The following GRIA4 variants were observed in gnomAD, a reference collection of about 807,000 sequenced individuals.
GRIA4 encodes glutamate receptor 4.
In GRIA4, 34 loss-of-function variants were observed where a neutral mutation model predicts 104.0. That is an observed-to-expected ratio of 0.33 (90% CI 0.25 to 0.44). GRIA4 has a LOEUF of 0.44. Among genes scored for constraint, GRIA4 ranks in the 20% least tolerant of loss-of-function variants. GRIA4 has a pLI of 1.00. For synonymous variants in GRIA4, 386 were observed against 381.9 expected (o/e 1.01, Z -0.13); for missense variants, 750 against 1,096.5 (o/e 0.68, Z 4.46).
At chr11:105,830,532 T>C (rs1471443396) in intron 4 of GRIA4, among the ~76,000 whole-genome samples, 2 of 152,032 alleles carry the variant, frequency 1.3e-5, no homozygotes, top group Admixed American at 6.6e-5. Context: ...GAGTTGATGA[T>C]GGCACTAGCC....
chr11:105,797,409 T>C (rs1252151789), intron 4 of GRIA4, among the ~76,000 whole-genome samples: 2 of 152,102 alleles, frequency 1.3e-5, no homozygotes, highest in African/African-American at 4.8e-5. Context: ...AGTATTTTGG[T>C]TCCACAAATA....
At chr11:105,636,542 T>C (rs971164494) in intron 3 of GRIA4, among the ~76,000 whole-genome samples, 1 of 152,154 alleles carries the variant, frequency 6.6e-6, no homozygotes, top group Non-Finnish European at 1.5e-5. Context: ...ATCTCTACAA[T>C]TCCAGGCCTA....
intron 4 of GRIA4, among the ~76,000 whole-genome samples, chr11:105,822,600 T>C (rs1303039460): frequency 6.6e-6 from 1 of 152,184 alleles, no homozygotes; most frequent in Non-Finnish European, 1.5e-5. Context: ...CATGTGCTTC[T>C]TCAATTATAT....
intron 4 of GRIA4, among the ~76,000 whole-genome samples, chr11:105,838,734 A>T (rs1051320874): frequency 6.6e-6 from 1 of 152,190 alleles, no homozygotes; most frequent in African/African-American, 2.4e-5. Flanking sequence ...GGCTACACAG[A>T]TGCAGAAGAG....
intron 3 of GRIA4, among the ~76,000 whole-genome samples, chr11:105,689,887 A>C (rs1953023610): frequency 6.6e-6 from 1 of 152,194 alleles, no homozygotes; most frequent in Non-Finnish European, 1.5e-5. Context: ...TGTAACTAGC[A>C]GATACTGGGA....
chr11:105,715,905 T>C (rs1365044514), intron 3 of GRIA4, among the ~76,000 whole-genome samples: 2 of 152,104 alleles, frequency 1.3e-5, no homozygotes, highest in African/African-American at 4.8e-5. Flanking sequence ...GGCCTGAAAA[T>C]GGCCCACGTT....
chr11:105,628,741 T>G (rs1950954470), intron 3 of GRIA4, among the ~76,000 whole-genome samples: 1 of 152,300 alleles, frequency 6.6e-6, no homozygotes, highest in Admixed American at 6.5e-5. Context: ...ATTTTATTCT[T>G]TATTTCACAA....
intron 3 of GRIA4, among the ~76,000 whole-genome samples, chr11:105,637,839 A>T (rs1330201511): frequency 6.6e-6 from 1 of 152,192 alleles, no homozygotes; most frequent in Non-Finnish European, 1.5e-5. Context: ...AGATTCTTAA[A>T]AGCTAAGCCC....
intron 4 of GRIA4, among the ~76,000 whole-genome samples, chr11:105,791,571 A>G (rs61900353): frequency 6.6e-6 from 1 of 152,158 alleles, no homozygotes; most frequent in African/African-American, 2.4e-5. Flanking sequence ...TAAATGTGCC[A>G]TGGAGTGCCA....
intron 16 of GRIA4, among the ~76,000 whole-genome samples, chr11:105,977,880 G>A (rs1859066478): frequency 6.6e-6 from 1 of 151,990 alleles, no homozygotes; most frequent in Non-Finnish European, 1.5e-5. Context: ...AGTTCCCTTG[G>A]TGAAATTATT....
chr11:105,788,770 T>C (rs1421864319), intron 4 of GRIA4, among the ~76,000 whole-genome samples: 3 of 152,064 alleles, frequency 2.0e-5, no homozygotes, highest in Non-Finnish European at 4.4e-5. Flanking sequence ...TAGTGAGGGT[T>C]GAAAAGAAAA....
chr11:105,676,107 T>A (rs1321209426), intron 3 of GRIA4, among the ~76,000 whole-genome samples: 2 of 151,820 alleles, frequency 1.3e-5, no homozygotes, highest in African/African-American at 2.4e-5. Flanking sequence ...ATAGAGAATG[T>A]TATTTTTTAA....
chr11:105,635,133 T>C (rs1048697502), intron 3 of GRIA4, among the ~76,000 whole-genome samples: 5 of 152,170 alleles, frequency 3.3e-5, no homozygotes, highest in Admixed American at 2.0e-4. Context: ...CAATAAAATA[T>C]AGTAGTCTTA....
chr11:105,799,453 G>A (rs1271205002), intron 4 of GRIA4, among the ~76,000 whole-genome samples: 2 of 152,036 alleles, frequency 1.3e-5, no homozygotes, highest in Admixed American at 6.6e-5. Flanking sequence ...AAATTACAAC[G>A]GGTATAGGGT....
At chr11:105,632,500 G>A (rs984223269) in intron 3 of GRIA4, among the ~76,000 whole-genome samples, 10 of 152,158 alleles carry the variant, frequency 6.6e-5, no homozygotes, top group African/African-American at 2.2e-4. Flanking sequence ...ACCCAGCTTT[G>A]CTGTTCATTA....
At chr11:105,772,438 A>G (rs1941252000) in intron 4 of GRIA4, among the ~76,000 whole-genome samples, 1 of 152,164 alleles carries the variant, frequency 6.6e-6, no homozygotes, top group Non-Finnish European at 1.5e-5. Flanking sequence ...GAAACACAGT[A>G]CAATGTGGTA....
At chr11:105,965,626 G>GAC (rs1253865469) in intron 14 of GRIA4, among the ~76,000 whole-genome samples, 3 of 152,090 alleles carry the variant, frequency 2.0e-5, no homozygotes, top group African/African-American at 7.2e-5. Flanking sequence ...AGGAATTCAA[G>GAC]ACACAATTCT....
chr11:105,775,255 T>G (rs1299578077), intron 4 of GRIA4, among the ~76,000 whole-genome samples: 16 of 152,154 alleles, frequency 1.1e-4, no homozygotes, highest in Admixed American at 1.0e-3. Context: ...AAACCCTTCA[T>G]TTAATCACAT....
intron 4 of GRIA4, among the ~76,000 whole-genome samples, chr11:105,861,626 G>A (rs1945228233): frequency 6.6e-6 from 1 of 152,018 alleles, no homozygotes; most frequent in Admixed American, 6.6e-5. Flanking sequence ...CCTTGTTCAA[G>A]GGGAAAGTCA....
Sources: gnomAD v4.1 joint callset for allele counts (sites outside exome capture counted in the v4.1 genomes callset) on GRCh38, gnomAD v4.1.1 for gene constraint, MANE v1.5 for transcripts, NCBI Gene and HGNC (gene_info 2026-07-23, HGNC 2026-07-21) for gene names.